The following CDH23 variants were observed in gnomAD, a reference collection of about 807,000 sequenced individuals.
CDH23 encodes the protein cadherin related 23, also known as cadherin-23.
CDH23 carries 189 observed loss-of-function variants against 317.1 expected under a neutral mutation model. That is an observed-to-expected ratio of 0.60 (90% CI 0.53 to 0.67). The LOEUF is 0.67. CDH23 is among the 30% of genes least tolerant of loss of function. The pLI is 0.00. For missense variants in CDH23, 4,401 were observed against 4,592.4 expected, an observed-to-expected ratio of 0.96 and a Z score of 1.20; for synonymous variants, 1,839 against 1,876.8, an observed-to-expected ratio of 0.98 and a Z score of 0.52.
chr10:71,782,045 C>T (rs969523014), intron 41 of CDH23, among the ~76,000 whole-genome samples: 1 of 152,212 alleles, frequency 6.6e-6, no homozygotes, highest in East Asian at 1.9e-4. Flanking sequence ...GGGACCCCAG[C>T]TTAAAGGTCA....
chr10:71,548,943 G>T (rs1856436494), intron 6 of CDH23, among the ~76,000 whole-genome samples: 1 of 152,234 alleles, frequency 6.6e-6, no homozygotes, highest in African/African-American at 2.4e-5. Context: ...ATGAGACAGA[G>T]ACAGTAAATA....
At position 71,803,008 on chromosome 10, in the gene CDH23, G is replaced by T. The variant is rs1240459613; in HGVS notation, c.7593G>T (p.Met2531Ile). ...NEPAGTSVIT[M>I]MATDQDEGPN... The stretch of plus-strand genomic sequence containing the variant: ...CGGCGGGCACCTCGGTCATCACCAT[G>T]ATGGCCACTGACCAGGATGAAGGTC... Residue 2531 changes from methionine (M) to isoleucine (I), a missense_variant, in exon 54 of 70, where the codon ATG becomes ATT. Transcript: ENST00000224721. 1 of 1,614,010 alleles carries T rather than the reference G, an allele frequency of 6.2e-7. No homozygotes were observed. Among genetic ancestry groups the T allele is most frequent in the Admixed American group, 1.7e-5 (1 of 60,022 alleles).
intron 1 of CDH23, among the ~76,000 whole-genome samples, chr10:71,436,521 G>C (rs117134787): frequency 0.012 from 1,790 of 152,342 alleles, 20 homozygotes; most frequent in Non-Finnish European, 0.019. Context: ...AACATCAGGA[G>C]ACTCTGACTC....
At chr10:71,453,178 T>C (rs915011011) in intron 3 of CDH23, among the ~76,000 whole-genome samples, 2 of 152,190 alleles carry the variant, frequency 1.3e-5, no homozygotes, top group African/African-American at 4.8e-5. Flanking sequence ...CACGAGTAAA[T>C]TAGTCTTGTC....
rs528926950 is a variant in CDH23 at position 71,484,532 on chromosome 10, G to A, written c.146-25550G>A. Reference sequence around the variant, plus strand: ...CCCCGGCGTTTGTGTGGCACTCAGGGAATGCTCTGACAGCTCTTTCAGCCG... The same window carrying A: ...CCCCGGCGTTTGTGTGGCACTCAGGAAATGCTCTGACAGCTCTTTCAGCCG... On this transcript the variant is annotated intron_variant, in intron 3 of 69. Coordinates refer to ENST00000224721, the MANE Select transcript of CDH23 (RefSeq NM_022124.6). 5.8e-4 allele frequency among the ~76,000 whole-genome samples: 89 copies of A among 152,320 alleles called. 1 individual carries two copies. The highest frequency in any genetic ancestry group is 2.0e-3 in the African/African-American group (85 of 41,582).
chr10:71,789,440 TG>T (rs1841185884), intron 45 of CDH23, among the ~76,000 whole-genome samples: 1 of 152,012 alleles, frequency 6.6e-6, no homozygotes, highest in African/African-American at 2.4e-5. Context: ...TAACTAGAAG[TG>T]GGAGGTCAGG....
intron 38 of CDH23, among the ~76,000 whole-genome samples, chr10:71,759,924 C>CACACATATATAT (rs1840275022): frequency 1.1e-5 from 1 of 88,066 alleles, no homozygotes; most frequent in Non-Finnish European, 2.7e-5. Flanking sequence ...CATATATACA[C>CACACATATATAT]ACACACATAT....
chr10:71,600,785 G>A (rs138953655), intron 9 of CDH23, among the ~76,000 whole-genome samples: 6,210 of 152,200 alleles, frequency 0.041, 171 homozygotes, highest in Non-Finnish European at 0.062. Context: ...CAAAGTGCTG[G>A]GATTACAGGC....
At chr10:71,789,239 G>C (rs1841180739) in intron 45 of CDH23, among the ~76,000 whole-genome samples, 197 bp downstream of exon 45, 1 of 152,214 alleles carries the variant, frequency 6.6e-6, no homozygotes, top group Non-Finnish European at 1.5e-5. Flanking sequence ...AGAAGCCACA[G>C]GTCTGGTTGG....
chr10:71,790,515 G>T, intron 46 of CDH23, 102 bp downstream of exon 46: 1 of 1,437,826 alleles, frequency 7.0e-7, no homozygotes, highest in Non-Finnish European at 9.3e-7. Context: ...GACCCAGGCT[G>T]TCCGTGGAGA....
intron 1 of CDH23, among the ~76,000 whole-genome samples, chr10:71,418,544 A>C (rs1848623778): frequency 6.6e-6 from 1 of 152,126 alleles, no homozygotes; most frequent in Non-Finnish European, 1.5e-5. Context: ...CCAGGCTCAC[A>C]GGAAGGCCAA....
chr10:71,669,041 G>A (rs563424672), intron 14 of CDH23, among the ~76,000 whole-genome samples: 61 of 152,304 alleles, frequency 4.0e-4, no homozygotes, highest in African/African-American at 1.4e-3. Context: ...AGCCAGTCTC[G>A]GCTGCACCCT....
intron 6 of CDH23, among the ~76,000 whole-genome samples, chr10:71,545,050 T>G (rs1449527535): frequency 3.9e-5 from 6 of 152,162 alleles, no homozygotes; most frequent in Non-Finnish European, 7.4e-5. Context: ...GTCCACCCTG[T>G]AAGTTACTGT....
chr10:71,578,929 G>A (rs985792526), intron 9 of CDH23, among the ~76,000 whole-genome samples: 2 of 152,310 alleles, frequency 1.3e-5, no homozygotes, highest in South Asian at 2.1e-4. Flanking sequence ...AAAGCTCAGA[G>A]GACAGCAAAG....
At chr10:71,812,443 T>TTCCAC in intron 66 of CDH23, 37 bp from the exon 67 acceptor site, 11 of 1,538,006 alleles carry the variant, frequency 7.2e-6, no homozygotes, top group African/African-American at 1.4e-5. Context: ...ACTCGAGCCT[T>TTCCAC]CCCTCCCTCC....
In CDH23 at chr10:71,483,333, C is replaced by A. The variant is rs1036328108; in HGVS notation, c.146-26749C>A. Reference sequence around the variant, plus strand: ...GGGGAGGGTTGAACTTTTTGGGGAGCAGGCCCAGGCAGCGGGGTGGGAGTG... The same window carrying A: ...GGGGAGGGTTGAACTTTTTGGGGAGAAGGCCCAGGCAGCGGGGTGGGAGTG... On this transcript the variant is annotated intron_variant, in intron 3 of 69. Coordinates refer to ENST00000224721, the MANE Select transcript of CDH23 (RefSeq NM_022124.6). Among the ~76,000 whole-genome samples, 4 of 152,212 alleles carry A rather than the reference C, an allele frequency of 2.6e-5. No individual in the cohort carries two copies. In the South Asian group the frequency reaches 8.3e-4, roughly 32 times the overall value.
Position 71,690,532 on chromosome 10 carries a change from C to T in CDH23, c.2124C>T (p.Ser708=). Residue 708 remains serine, a synonymous_variant, in exon 20 of 70, where the codon TCC becomes TCT. Transcript: ENST00000224721. ...GCTCCCGGGAGTACGGCCAGGAGTC[C>T]ATCATCTACTCCTTGGAAGGCTCCA... ...LDRSREYGQE[S]IIYSLEGSTQ... 1 of 1,611,384 alleles carries T rather than the reference C, an allele frequency of 6.2e-7. No individual in the cohort carries two copies. The highest frequency in any genetic ancestry group is 8.5e-7 in the Non-Finnish European group (1 of 1,178,924).
At chr10:71,514,060 A>C (rs1290612941) in intron 6 of CDH23, among the ~76,000 whole-genome samples, 5 of 152,000 alleles carry the variant, frequency 3.3e-5, no homozygotes, top group African/African-American at 1.2e-4. Context: ...ACCCATGCAC[A>C]CACAGTCTAT....
At chr10:71,455,258 G>A (rs983349548) in intron 3 of CDH23, among the ~76,000 whole-genome samples, 1 of 152,012 alleles carries the variant, frequency 6.6e-6, no homozygotes, top group Non-Finnish European at 1.5e-5. Context: ...TTCACATCTT[G>A]CATAACCATG....
Sources: gnomAD v4.1 joint callset for allele counts (sites outside exome capture counted in the v4.1 genomes callset) on GRCh38, gnomAD v4.1.1 for gene constraint, MANE v1.5 for transcripts, NCBI Gene and HGNC (gene_info 2026-07-23, HGNC 2026-07-21) for gene names.